The following P3H1 variants were observed in gnomAD, a reference collection of about 807,000 sequenced individuals.
P3H1 encodes growth suppressor 1.
In P3H1, 69 loss-of-function variants were observed where a neutral mutation model predicts 84.0. That is an observed-to-expected ratio of 0.82 (90% CI 0.68 to 1.00). The LOEUF (loss-of-function observed/expected upper bound fraction) is 1.00, where lower values mean the gene tolerates loss of function less well. P3H1 is among the 50% of genes least tolerant of loss of function. The probability of loss-of-function intolerance (pLI) is 0.00; values close to 1 mark genes in which losing one functional copy is unlikely to be tolerated. For missense variants in P3H1, 878 were observed against 962.8 expected, an observed-to-expected ratio of 0.91 and a Z score of 1.17; for synonymous variants, 366 against 388.8, an observed-to-expected ratio of 0.94 and a Z score of 0.69.
At chr1:42,748,832 C>G (rs1651874470) in intron 11 of P3H1, 1 of 231,440 alleles carries the variant, frequency 4.3e-6, no homozygotes, top group East Asian at 1.0e-4. Flanking sequence ...AGGGAACAGA[C>G]CGGGCTCACT....
At chr1:42,758,498 A>G (rs1445927609) in intron 4 of P3H1, among the ~76,000 whole-genome samples, 1 of 152,264 alleles carries the variant, frequency 6.6e-6, no homozygotes, top group African/African-American at 2.4e-5. Context: ...CCACAAAAGC[A>G]TCAGTGCTAT....
chr1:42,753,091 T>C (rs991746414), intron 8 of P3H1, among the ~76,000 whole-genome samples: 7 of 152,226 alleles, frequency 4.6e-5, no homozygotes, highest in Non-Finnish European at 1.0e-4. Flanking sequence ...CTTATATGTT[T>C]GATGCCAGTA....
chr1:42,755,121 T>A (rs756330177), intron 7 of P3H1, 44 bp downstream of exon 7: 46 of 1,613,084 alleles, frequency 2.9e-5, no homozygotes, highest in Non-Finnish European at 1.4e-5. Context: ...CCTCAAGTGC[T>A]TCATCAGACT....
chr1:42,763,856 C>T (rs966647588), intron 1 of P3H1, among the ~76,000 whole-genome samples: 1 of 151,686 alleles, frequency 6.6e-6, no homozygotes, highest in Non-Finnish European at 1.5e-5. Flanking sequence ...TCAAAGAGAC[C>T]AGCCGTGGCC....
In P3H1 at chr1:42,766,876, C is replaced by G. The variant is rs1297309703; in HGVS notation, c.96G>C (p.Met32Ile). 3 of 1,608,018 alleles carry G rather than the reference C, an allele frequency of 1.9e-6. No individual in the cohort carries two copies. In the East Asian group the frequency reaches 6.7e-5, roughly 36 times the overall value. Residue 32 changes from methionine (M) to isoleucine (I), a missense_variant, in exon 1 of 15, where the codon ATG becomes ATC. By Grantham distance (10) the Met-to-Ile change is conservative. Transcript: ENST00000296388. ...CGGCGAAGAGCAGATCAGGCGTCAC[C>G]ATGCCCCATCCTGCCTCGGACTCGA... ...AEVESEAGWG[M>I]VTPDLLFAEG...
intron 1 of P3H1, among the ~76,000 whole-genome samples, chr1:42,765,153 C>T (rs1240094646): frequency 6.6e-6 from 1 of 152,224 alleles, no homozygotes; most frequent in Non-Finnish European, 1.5e-5. Context: ...GCCTCTCCTA[C>T]TACTCCCCAC....
At chr1:42,750,162 T>C in intron 11 of P3H1, 24 bp downstream of exon 11, 1 of 1,608,268 alleles carries the variant, frequency 6.2e-7, no homozygotes, top group African/African-American at 1.3e-5. Context: ...CGGGGGCGGG[T>C]GCTGCAGGGG....
chr1:42,752,732 T>C (rs1652184516), intron 8 of P3H1, 68 bp from the exon 9 acceptor site: 1 of 1,590,672 alleles, frequency 6.3e-7, no homozygotes, highest in Non-Finnish European at 8.6e-7. Context: ...CCATTGGATA[T>C]TGCCTCCTCG....
At position 42,747,771 on chromosome 1, in the gene P3H1, G is replaced by A. The variant is rs907647187; in HGVS notation, c.1866C>T (p.Phe622=). 2.5e-6 allele frequency: 4 copies of A among 1,614,040 alleles called. No homozygotes were observed. Among genetic ancestry groups the A allele is most frequent in the East Asian group, 4.5e-5 (2 of 44,886 alleles). ...CAGTGAAATAAAAGTTTCCGCCATC[G>A]AAGTCCCCATTTAGGTAAAGGATGG... The part of the protein sequence containing the change: ...YSAILYLNGD[F]DGGNFYFTEL... Residue 622 remains phenylalanine (F), a synonymous_variant, in exon 13 of 15, where the codon TTC becomes TTT. Coordinates refer to ENST00000296388, the MANE Select transcript of P3H1 (RefSeq NM_022356.4).
chr1:42,755,093 C>G, intron 7 of P3H1, 72 bp downstream of exon 7: 1 of 1,612,736 alleles, frequency 6.2e-7, no homozygotes, highest in Non-Finnish European at 8.5e-7. Context: ...GAGTTCACAT[C>G]TGCCTGGGCT....
chr1:42,751,100 G>A lies in P3H1; in HGVS notation c.1570-764C>T, dbSNP rs888511407. Among the ~76,000 whole-genome samples the A allele has an allele frequency of 6.4e-4, 88 of 137,012 alleles. 3 individuals are homozygous for A. The East Asian group carries it at 0.019, about 29-fold the overall frequency. The allele number at this position is 137,012 out of a possible 152,430, so 89.9% of individuals were successfully genotyped here. A position where few individuals can be genotyped will look rare whatever the true frequency, so the allele number is the denominator to read the frequency against. ...CGGCTCATTGGGGATGGGCCATGAT[G>A]ACGATGGCGGTTTTGTGGAATAGAA... On this transcript the variant is annotated intron_variant, in intron 10 of 14. Transcript: ENST00000296388.
chr1:42,757,096 A>G (rs1377185529), intron 5 of P3H1, among the ~76,000 whole-genome samples: 1 of 152,182 alleles, frequency 6.6e-6, no homozygotes, highest in Non-Finnish European at 1.5e-5. Context: ...GGCAGGGAAA[A>G]GGTATTAACC....
At chr1:42,751,075 C>T (rs1337014017) in intron 10 of P3H1, among the ~76,000 whole-genome samples, 1 of 130,504 alleles carries the variant, frequency 7.7e-6, no homozygotes, top group East Asian at 2.3e-4. Flanking sequence ...GTGTGCCCAG[C>T]GGCTCATTGG....
chr1:42,747,420 G>C lies in P3H1; in HGVS notation c.1915-8C>G. The C allele has an allele frequency of 6.2e-7, 1 of 1,608,314 alleles. No homozygotes were observed. On this transcript the variant is annotated splice_region_variant and splice_polypyrimidine_tract_variant and intron_variant, in intron 13 of 14. Transcript: ENST00000296388. ...CTGAGGCTGCACCTCTGCCTAAGGG[G>C]GACAGAAAGGGAGGGGGGTTGCACA...
chr1:42,762,618 A>G, intron 1 of P3H1, 143 bp from the exon 2 acceptor site: 1 of 831,284 alleles, frequency 1.2e-6, no homozygotes, highest in Non-Finnish European at 2.0e-6. Flanking sequence ...CAGCCCCAGG[A>G]AGCACACCTA....
At chr1:42,757,742 A>T in intron 5 of P3H1, 41 bp downstream of exon 5, 1 of 1,614,088 alleles carries the variant, frequency 6.2e-7, no homozygotes, top group Non-Finnish European at 8.5e-7. Context: ...CTCAGGTCTG[A>T]GTTCAGCTGG....
At position 42,754,804 on chromosome 1, in the gene P3H1, A is replaced by C; in HGVS notation, c.1345+65T>G. 1 of 1,611,146 alleles carries C rather than the reference A, an allele frequency of 6.2e-7. No individual in the cohort carries two copies. Among genetic ancestry groups the C allele is most frequent in the South Asian group, 1.1e-5 (1 of 90,736 alleles). On this transcript the variant is annotated intron_variant, in intron 8 of 14. Coordinates refer to ENST00000296388, the MANE Select transcript of P3H1 (RefSeq NM_022356.4). The surrounding 1 kb of genome is among the most constrained non-coding windows in gnomAD (Gnocchi z 4.0). Reference sequence around the variant, plus strand: ...TGCTGGGGTGGAGCGCTGCCTGGCAAATGTGGGGTGACCTGCCTGGCTCCC... The same window carrying C: ...TGCTGGGGTGGAGCGCTGCCTGGCACATGTGGGGTGACCTGCCTGGCTCCC...
intron 14 of P3H1, 45 bp from the exon 15 acceptor site, chr1:42,746,897 G>A (rs1330256781): frequency 8.7e-6 from 14 of 1,614,074 alleles, no homozygotes; most frequent in Non-Finnish European, 1.1e-5. Flanking sequence ...CTCCGCTCCA[G>A]ACACTCGCTA....
Position 42,747,352 on chromosome 1 carries a change from G to T in P3H1, c.1975C>A (p.His659Asn). 6.2e-7 allele frequency: 1 copy of T among 1,610,376 alleles called. No homozygotes were observed. The highest frequency in any genetic ancestry group is 1.7e-4 in the Middle Eastern group (1 of 6,046). ...CCCCTGGTGACAGCCTTCACTCCAT[G>T]TGGGTTTTCAGTGCCTGAAGAGAAT... Reference protein sequence around the residue: ...VGFSSGTENPHGVKAVTRGQR... With the variant: ...VGFSSGTENPNGVKAVTRGQR... The change falls in exon 14 of 15, where the codon CAT becomes AAT. Residue 659 changes from histidine to asparagine, a missense_variant. Coordinates refer to ENST00000296388, the MANE Select transcript of P3H1 (RefSeq NM_022356.4).
Sources: gnomAD v4.1 joint callset for allele counts (sites outside exome capture counted in the v4.1 genomes callset) on GRCh38, gnomAD v4.1.1 for gene constraint, Gnocchi (gnomAD v3.1) non-coding constraint, MANE v1.5 for transcripts, NCBI Gene and HGNC (gene_info 2026-07-23, HGNC 2026-07-21) for gene names.